The following PSMA6 variants were observed in gnomAD, a reference collection of about 807,000 sequenced individuals.
The protein encoded by PSMA6 is proteasome 20S subunit alpha 6.
For synonymous variants in PSMA6, 88 were observed against 97.7 expected (o/e 0.90, Z 0.59); for missense variants, 170 against 294.8 (o/e 0.58, Z 3.10).
upstream of PSMA6, among the ~76,000 whole-genome samples, chr14:35,290,994 ATTTT>A (rs201736184): frequency 2.0e-5 from 3 of 147,106 alleles, no homozygotes; most frequent in African/African-American, 7.5e-5. Context: ...TCAGTTCCAC[ATTTT>A]TTTTTTTTTA....
At chr14:35,314,947 A>ATGTGTGTGTGTGTGTGTGTGTGTGTG (rs59477296) in intron 6 of PSMA6, 6 of 141,122 alleles carry the variant, frequency 4.3e-5, no homozygotes, top group African/African-American at 1.1e-4. Context: ...CAGTTGCTGG[A>ATGTGTGTGTGTGTGTGTGTGTGTGTG]TGTGTGTGTG....
intron 5 of PSMA6, 107 bp downstream of exon 5, chr14:35,313,166 G>A: frequency 9.3e-7 from 1 of 1,074,852 alleles, no homozygotes; most frequent in Non-Finnish European, 1.3e-6. Context: ...CAGGATTCAA[G>A]TTGTCAACTT....
intron 6 of PSMA6, chr14:35,315,256 G>C (rs2052023723): frequency 6.6e-6 from 1 of 152,100 alleles, no homozygotes; most frequent in Admixed American, 6.6e-5. Context: ...GTTGTGGTGT[G>C]GGGTACGGGA....
intron 1 of PSMA6, among the ~76,000 whole-genome samples, chr14:35,284,481 T>C (rs1481387299): frequency 6.6e-6 from 1 of 152,198 alleles, no homozygotes. Flanking sequence ...TTAGCTTTGC[T>C]TTCATTCATG....
rs1025899172 is a variant in PSMA6 at position 35,308,106 on chromosome 14, A to T, written c.171+18A>T. The T allele has an allele frequency of 1.2e-6, 2 of 1,612,170 alleles. No homozygotes were observed. The highest frequency in any genetic ancestry group is 1.7e-6 in the Non-Finnish European group (2 of 1,178,868). ...AAGTACCTGTAAGTAATACTGCCCA[A>T]ATAGTTAATAATTGCAGAATATAAG... On this transcript the variant is annotated intron_variant, in intron 2 of 6. Coordinates refer to ENST00000261479, the MANE Select transcript of PSMA6 (RefSeq NM_002791.3).
At chr14:35,308,209 A>T in intron 2 of PSMA6, 121 bp downstream of exon 2, 2 of 1,333,352 alleles carry the variant, frequency 1.5e-6, no homozygotes, top group East Asian at 2.9e-5. Context: ...ATCACCTTAG[A>T]TCGGGAGTTC....
rs1457059931 is a variant in PSMA6, at chr14:35,292,640, CTG to C, written c.76+89_76+90del. Reference sequence around the variant, plus strand: ...CGAGCAGACGCGGCCCGGGTTTAGTCTGGGGCCGAAGCTGGGCTGGAGCTGGG... The same window carrying C: ...CGAGCAGACGCGGCCCGGGTTTAGTCGGGCCGAAGCTGGGCTGGAGCTGGG... On this transcript the variant is annotated intron_variant, in intron 1 of 6. Transcript: ENST00000261479. The C allele has an allele frequency of 7.7e-6, 12 of 1,558,266 alleles. No individual in the cohort carries two copies. In the African/African-American group the frequency reaches 1.6e-4, roughly 21 times the overall value.
chr14:35,298,412 C>A (rs144604066), intron 1 of PSMA6, among the ~76,000 whole-genome samples: 3,739 of 152,002 alleles, frequency 0.025, 158 homozygotes, highest in African/African-American at 0.083. Context: ...ATTGCTTGAG[C>A]CCGGGAGGTG....
chr14:35,296,475 C>T lies in PSMA6; in HGVS notation c.76+3923C>T, dbSNP rs1310231312. On this transcript the variant is annotated intron_variant, in intron 1 of 6. Transcript: ENST00000261479. ...CCTCCCGAGTAGCTGGGATTACAGG[C>T]GCCTGCCACCATGCCCGGCTAGTTT... Among the ~76,000 whole-genome samples, 11 of 152,186 alleles carry T rather than the reference C, an allele frequency of 7.2e-5. No homozygotes were observed. In the South Asian group the frequency reaches 8.3e-4, roughly 11 times the overall value.
intron 1 of PSMA6, among the ~76,000 whole-genome samples, chr14:35,304,594 G>A (rs1472103354): frequency 1.3e-5 from 2 of 152,082 alleles, no homozygotes; most frequent in East Asian, 3.9e-4. Context: ...GCTGGGCGTG[G>A]TTGTGCACAC....
chr14:35,304,652 A>T (rs2051787089), intron 1 of PSMA6, among the ~76,000 whole-genome samples: 1 of 151,636 alleles, frequency 6.6e-6, no homozygotes, highest in Non-Finnish European at 1.5e-5. Context: ...GCTCCAACCC[A>T]GGAGGCAGGG....
At chr14:35,314,309 C>G (rs371080957) in intron 5 of PSMA6, 52 bp from the exon 6 acceptor site, 5 of 1,479,404 alleles carry the variant, frequency 3.4e-6, no homozygotes, top group Non-Finnish European at 4.5e-6. Context: ...AATGAGAAAA[C>G]CTTGGAATCT....
chr14:35,293,233 T>C, intron 1 of PSMA6: 1 of 329,000 alleles, frequency 3.0e-6, no homozygotes, highest in Non-Finnish European at 6.1e-6. Flanking sequence ...CACATCTGTT[T>C]GAATGCTCCT....
intron 1 of PSMA6, among the ~76,000 whole-genome samples, chr14:35,283,358 C>T (rs1268558714): frequency 7.2e-6 from 1 of 139,598 alleles, no homozygotes; most frequent in Non-Finnish European, 1.5e-5. Flanking sequence ...GAGACCCTAT[C>T]TCTACAAAAA....
intron 1 of PSMA6, among the ~76,000 whole-genome samples, chr14:35,300,097 A>G (rs1239661653): frequency 3.3e-5 from 5 of 152,136 alleles, no homozygotes; most frequent in African/African-American, 9.7e-5. Context: ...ACTTTTTTCC[A>G]TGTGTTTTGA....
At chr14:35,298,524 CTT>C (rs892015367) in intron 1 of PSMA6, among the ~76,000 whole-genome samples, 13 of 151,750 alleles carry the variant, frequency 8.6e-5, no homozygotes, top group African/African-American at 3.1e-4. Context: ...GGAACTATGA[CTT>C]ATTATTTTCT....
Position 35,317,230 on chromosome 14 carries a change from T to C in PSMA6, c.684-19T>C, listed in dbSNP as rs751843010. 2 of 1,610,210 alleles carry C rather than the reference T, an allele frequency of 1.2e-6. No individual in the cohort carries two copies. Among genetic ancestry groups the C allele is most frequent in the African/African-American group, 1.3e-5 (1 of 74,908 alleles). On this transcript the variant is annotated intron_variant, in intron 6 of 6. Transcript: ENST00000261479. ...AATTTTTTTTAAATCGTTGTTTTTT[T>C]CCCCCTTTTGCCTTCTAGGATTCTT...
chr14:35,297,229 T>G (rs1435205829), intron 1 of PSMA6, among the ~76,000 whole-genome samples: 3 of 151,340 alleles, frequency 2.0e-5, no homozygotes, highest in Non-Finnish European at 2.9e-5. Context: ...TTTATTTTTT[T>G]GGGGGGGATT....
chr14:35,286,879 AG>A (rs2051426412), intron 1 of PSMA6, among the ~76,000 whole-genome samples: 1 of 152,140 alleles, frequency 6.6e-6, no homozygotes, highest in South Asian at 2.1e-4. Flanking sequence ...GTTACAGACA[AG>A]GGGGCAGAGG....
Sources: allele counts gnomAD v4.1 joint callset (sites outside exome capture counted in the v4.1 genomes callset), GRCh38; gene constraint gnomAD v4.1.1; transcripts MANE v1.5; gene names NCBI Gene and HGNC (gene_info 2026-07-23, HGNC 2026-07-21).